Variants in FSTL5 observed in about 807,000 individuals in gnomAD.
The protein encoded by FSTL5 is follistatin-related protein 5.
In FSTL5, 62 loss-of-function variants were observed where a neutral mutation model predicts 89.1. That is an observed-to-expected ratio of 0.70 (90% confidence interval 0.57 to 0.86). FSTL5 has a LOEUF of 0.86. Among genes scored for constraint, FSTL5 ranks in the 40% least tolerant of loss-of-function variants. FSTL5 has a pLI of 0.00. For synonymous variants in FSTL5, 383 were observed against 346.2 expected, an observed-to-expected ratio of 1.11 and a Z score of -1.18; for missense variants, 1,057 against 1,001.6, an observed-to-expected ratio of 1.06 and a Z score of -0.75.
At chr4:161,779,821 A>ATGTATATATATATATATATATATATATG (rs1267702879) in intron 4 of FSTL5, among the ~76,000 whole-genome samples, 8 of 63,354 alleles carry the variant, frequency 1.3e-4, no homozygotes, top group Admixed American at 3.9e-4. Flanking sequence ...GTATATATAT[A>ATGTATATATATATATATATATATATATG]TATATATATA....
rs1436056446 is a variant in FSTL5 at position 161,384,400 on chromosome 4, T to G, written c.*1347A>C. The G allele has an allele frequency of 6.6e-6, 1 of 152,134 alleles. No individual in the cohort carries two copies. The highest frequency in any genetic ancestry group is 1.5e-5 in the Non-Finnish European group (1 of 67,980). The allele number at this position is 152,134 out of a possible 1,614,324, so 9.4% of individuals were successfully genotyped here. ...AGCTATTACTTTAAGCCTGGATAATTATCTGCTTATTTTAATAAACCAGCT... is the reference window on the plus strand; with the variant it reads ...AGCTATTACTTTAAGCCTGGATAATGATCTGCTTATTTTAATAAACCAGCT... On this transcript the variant is annotated 3_prime_UTR_variant, in exon 16 of 16. Coordinates refer to ENST00000306100, the MANE Select transcript of FSTL5 (RefSeq NM_020116.5).
At position 161,726,738 on chromosome 4, in the gene FSTL5, G is replaced by A. The variant is rs189446731; in HGVS notation, c.727+32673C>T. Among the ~76,000 whole-genome samples, 697 of 151,902 alleles carry A rather than the reference G, an allele frequency of 4.6e-3. 9 individuals are homozygous for A. Among genetic ancestry groups the A allele is most frequent in the African/African-American group, 0.016 (647 of 41,414 alleles). On this transcript the variant is annotated intron_variant, in intron 6 of 15. Transcript: ENST00000306100. ...GAAATGTTAAAAGTACATTATTTGA[G>A]AATAAATAATTAGCTAACAACTTTA...
intron 2 of FSTL5, chr4:162,047,269 T>TA (rs1738217737): frequency 6.6e-6 from 1 of 152,128 alleles, no homozygotes; most frequent in South Asian, 2.1e-4. Flanking sequence ...ACTAGTTTTA[T>TA]TAGTTGGGAA....
chr4:162,056,592 C>T (rs567173816), intron 2 of FSTL5, among the ~76,000 whole-genome samples: 34 of 152,252 alleles, frequency 2.2e-4, no homozygotes, highest in Non-Finnish European at 3.5e-4. Flanking sequence ...TGCATAAATA[C>T]ATTCCAACTA....
intron 4 of FSTL5, among the ~76,000 whole-genome samples, chr4:161,799,728 T>A (rs2126828003): frequency 6.6e-6 from 1 of 151,816 alleles, no homozygotes; most frequent in African/African-American, 2.4e-5. Flanking sequence ...GGCTACATTT[T>A]CTTTCACAAA....
chr4:161,495,685 C>T (rs924016145), intron 12 of FSTL5, among the ~76,000 whole-genome samples: 20 of 152,068 alleles, frequency 1.3e-4, no homozygotes, highest in African/African-American at 4.8e-4. Flanking sequence ...TGATTCTATA[C>T]TCTAAATATA....
chr4:162,031,178 A>G (rs1466078497), intron 3 of FSTL5, among the ~76,000 whole-genome samples: 1 of 152,158 alleles, frequency 6.6e-6, no homozygotes, highest in East Asian at 1.9e-4. Flanking sequence ...AGTTCAGGGC[A>G]CTGGTATCAT....
intron 12 of FSTL5, among the ~76,000 whole-genome samples, chr4:161,484,982 G>A (rs557201155): frequency 7.6e-4 from 115 of 151,664 alleles, no homozygotes; most frequent in African/African-American, 2.7e-3. Flanking sequence ...ATCTTTTAAT[G>A]GTTGGAAAAA....
chr4:161,563,117 C>T (rs955436018), intron 8 of FSTL5, among the ~76,000 whole-genome samples: 3 of 151,840 alleles, frequency 2.0e-5, no homozygotes, highest in Non-Finnish European at 4.4e-5. Flanking sequence ...CCTTCCAAAC[C>T]GTGAACAATA....
chr4:161,943,780 C>G (rs952072000), intron 3 of FSTL5, among the ~76,000 whole-genome samples: 24 of 151,898 alleles, frequency 1.6e-4, no homozygotes, highest in Non-Finnish European at 2.8e-4. Flanking sequence ...TGGTCTCGAT[C>G]TCCTGACCTC....
At chr4:162,046,163 AGCACTGT>A (rs1313647724) in intron 2 of FSTL5, among the ~76,000 whole-genome samples, 1 of 152,142 alleles carries the variant, frequency 6.6e-6, no homozygotes, top group Non-Finnish European at 1.5e-5. Flanking sequence ...GTACATGTCT[AGCACTGT>A]GCTATTAAAT....
chr4:161,686,976 C>T (rs1413147767), intron 6 of FSTL5, among the ~76,000 whole-genome samples: 1 of 152,026 alleles, frequency 6.6e-6, no homozygotes, highest in Non-Finnish European at 1.5e-5. Context: ...CTGGCTCCTG[C>T]CGACATTGCG....
intron 6 of FSTL5, among the ~76,000 whole-genome samples, chr4:161,689,289 G>T (rs1350474103): frequency 6.6e-6 from 1 of 152,044 alleles, no homozygotes; most frequent in Admixed American, 6.6e-5. Context: ...GATGACTTTA[G>T]CTCAGTTCTA....
intron 8 of FSTL5, among the ~76,000 whole-genome samples, chr4:161,569,778 C>T (rs1381016447): frequency 2.0e-5 from 3 of 151,578 alleles, no homozygotes; most frequent in African/African-American, 7.3e-5. Context: ...CACACACACA[C>T]ACACACACAC....
intron 15 of FSTL5, among the ~76,000 whole-genome samples, chr4:161,391,983 CT>C (rs1022315933): frequency 2.0e-5 from 3 of 152,228 alleles, no homozygotes; most frequent in South Asian, 2.1e-4. Context: ...CACTTTTAGA[CT>C]TTTTTTCCTT....
intron 3 of FSTL5, among the ~76,000 whole-genome samples, chr4:161,977,379 G>A (rs1162993203): frequency 1.3e-5 from 2 of 151,792 alleles, no homozygotes; most frequent in Admixed American, 6.6e-5. Context: ...TTGGGAGGCC[G>A]AGGCAGGCGG....
rs552038731 is a variant in FSTL5 at position 161,669,122 on chromosome 4, A to AAT, written c.728-12629_728-12628insAT. Among the ~76,000 whole-genome samples, 946 of 149,540 alleles carry AAT rather than the reference A, an allele frequency of 6.3e-3. 13 individuals are homozygous for AAT. The highest frequency in any genetic ancestry group is 9.4e-3 in the Non-Finnish European group (631 of 67,434). On this transcript the variant is annotated intron_variant, in intron 6 of 15. Transcript: ENST00000306100. ...GTGAGACTCTGTCTCAAAAAAAAAA[A>AAT]AAAAATAAAATAAAATAAAAGAAAA...
chr4:162,091,425 C>T (rs1730545284), intron 2 of FSTL5, among the ~76,000 whole-genome samples: 1 of 152,106 alleles, frequency 6.6e-6, no homozygotes. Context: ...AATATATTCT[C>T]TCTTAGTTAG....
At chr4:161,529,903 T>C (rs1404664096) in intron 10 of FSTL5, among the ~76,000 whole-genome samples, 2 of 143,040 alleles carry the variant, frequency 1.4e-5, no homozygotes, top group East Asian at 4.8e-4. Flanking sequence ...TGGTTGAGTC[T>C]AGAAATAATT....
Sources: allele counts gnomAD v4.1 joint callset (sites outside exome capture counted in the v4.1 genomes callset), GRCh38; gene constraint gnomAD v4.1.1; transcripts MANE v1.5; gene names NCBI Gene and HGNC (gene_info 2026-07-23, HGNC 2026-07-21).